Variants in E4F1 observed in about 807,000 individuals in gnomAD.
E4F1 encodes the protein transcription factor E4F1.
In E4F1, 30 loss-of-function variants were observed where a neutral mutation model predicts 72.9. That is an observed-to-expected ratio of 0.41 (90% confidence interval 0.31 to 0.56). The LOEUF (loss-of-function observed/expected upper bound fraction) is 0.56. Ranked by LOEUF, E4F1 falls within the 20% of genes least tolerant of loss-of-function variation. The probability of loss-of-function intolerance (pLI) is 0.25; values close to 1 mark genes in which losing one functional copy is unlikely to be tolerated. For synonymous variants in E4F1, 542 were observed against 478.2 expected (o/e 1.13, Z -1.74); for missense variants, 1,091 against 1,117.5 (o/e 0.98, Z 0.34).
At chr16:2,230,893 GGGGTCTCTGGGCT>G (rs1227269304) in intron 3 of E4F1, 1 of 152,288 alleles carries the variant, frequency 6.6e-6, no homozygotes, top group Non-Finnish European at 1.5e-5. Context: ...AGGTTCTGGC[GGGGTCTCTGGGCT>G]GGGTCTCTGG....
chr16:2,226,053 A>G (rs527240399), intron 1 of E4F1, among the ~76,000 whole-genome samples: 77 of 152,036 alleles, frequency 5.1e-4, no homozygotes, highest in African/African-American at 1.7e-3. Context: ...AGATCGCCCC[A>G]CTGCACTCCA....
At position 2,233,440 on chromosome 16, in the gene E4F1, C is replaced by T. The variant is rs1412319964; in HGVS notation, c.1059C>T (p.Pro353=). The T allele has an allele frequency of 1.3e-6, 2 of 1,509,402 alleles. No individual in the cohort carries two copies. The highest frequency in any genetic ancestry group is 1.8e-6 in the Non-Finnish European group (2 of 1,135,364). 93.5% of individuals were successfully genotyped at this position (1,509,402 alleles called of 1,614,324 possible). Reference sequence around the variant, plus strand: ...TCCTCTCTCTGCCTCCCCTGCAGCCCCCCGTCTCCCAGGAGCTCCCCTGCT... The same window carrying T: ...TCCTCTCTCTGCCTCCCCTGCAGCCTCCCGTCTCCCAGGAGCTCCCCTGCT... ...SLGMKALAPE[P]PVSQELPCSS... The change falls in exon 8 of 14, where the codon CCC becomes CCT. Residue 353 remains proline, a splice_region_variant and synonymous_variant. Coordinates refer to ENST00000301727, the MANE Select transcript of E4F1 (RefSeq NM_004424.5).
At chr16:2,225,810 AAAAG>A (rs1484021702) in intron 1 of E4F1, among the ~76,000 whole-genome samples, 1 of 149,630 alleles carries the variant, frequency 6.7e-6, no homozygotes, top group Non-Finnish European at 1.5e-5. Context: ...AAAAAAAAAA[AAAAG>A]GCTGGGCGCA....
rs200030854 is a variant in E4F1 at position 2,234,201 on chromosome 16, G to A, written c.1406G>A (p.Gly469Asp). The change falls in exon 10 of 14, where the codon GGC becomes GAC. Residue 469 changes from glycine (G) to aspartate (D), a missense_variant. This residue lies in a region of E4F1 where 622 missense variants were observed against 628.0 expected (regional missense o/e 0.99). Transcript: ENST00000301727. Reference protein sequence around the residue: ...GPRPFACAQCGKAFPKAYLLK... With the variant: ...GPRPFACAQCDKAFPKAYLLK... ...AGGCCGTTCGCCTGCGCGCAGTGTG[G>A]CAAGGCCTTCCCCAAGGCCTACCTG... The A allele has an allele frequency of 6.2e-6, 10 of 1,612,526 alleles. No individual in the cohort carries two copies. The highest frequency in any genetic ancestry group is 3.3e-4 in the Middle Eastern group (2 of 6,062).
intron 1 of E4F1, among the ~76,000 whole-genome samples, chr16:2,225,791 GAAAAAAAA>G (rs766755916): frequency 3.1e-5 from 2 of 64,960 alleles, no homozygotes; most frequent in Non-Finnish European, 3.1e-5. Flanking sequence ...CTCTGTTTAG[GAAAAAAAA>G]AAAAAAAAAA....
At chr16:2,225,371 T>C (rs1001492761) in intron 1 of E4F1, among the ~76,000 whole-genome samples, 2 of 150,780 alleles carry the variant, frequency 1.3e-5, no homozygotes, top group Non-Finnish European at 3.0e-5. Flanking sequence ...CTGTGGCTCA[T>C]ACCTGTAACC....
chr16:2,228,627 G>A lies in E4F1; in HGVS notation c.309+104G>A, dbSNP rs1022916446. 3.5e-6 allele frequency: 5 copies of A among 1,419,318 alleles called. No homozygotes were observed. In the African/African-American group the frequency reaches 5.7e-5, roughly 16 times the overall value. The allele number at this position is 1,419,318 out of a possible 1,614,324, so 87.9% of individuals were successfully genotyped here. ...CTGTGCAGCCGGTTCCGGGGGCCAC[G>A]TGGGCGGGCAGAGGGCAGGCACCTG... On this transcript the variant is annotated intron_variant, in intron 2 of 13. Transcript: ENST00000301727.
intron 1 of E4F1, among the ~76,000 whole-genome samples, chr16:2,225,067 G>C (rs1411312091): frequency 2.6e-5 from 4 of 151,910 alleles, no homozygotes; most frequent in African/African-American, 9.7e-5. Flanking sequence ...ACAAAAATTA[G>C]CTGGGCGTGG....
At position 2,234,722 on chromosome 16, in the gene E4F1, A is replaced by T; in HGVS notation, c.1733A>T (p.Tyr578Phe). ...HHTGEKPFKC[Y>F]KCGRGFAEHG... ...ACAGGCGAGAAGCCGTTCAAGTGCTACAAGTGCGGCCGTGGCTTCGCCGAG... is the reference window on the plus strand; with the variant it reads ...ACAGGCGAGAAGCCGTTCAAGTGCTTCAAGTGCGGCCGTGGCTTCGCCGAG... The change falls in exon 11 of 14, where the codon TAC becomes TTC. Residue 578 changes from tyrosine to phenylalanine, a missense_variant. Transcript: ENST00000301727. 1 of 1,562,640 alleles carries T rather than the reference A, an allele frequency of 6.4e-7. No homozygotes were observed. The highest frequency in any genetic ancestry group is 8.7e-7 in the Non-Finnish European group (1 of 1,153,676).
rs375407226 is a variant in E4F1 at position 2,228,365 on chromosome 16, G to C, written c.158-7G>C. ...CCCAGGCCCTGCTGACAGCAGGCTC[G>C]TTGCAGATGAGGACGATGTGCACAG... is the stretch of plus-strand genomic sequence containing the variant. On this transcript the variant is annotated splice_polypyrimidine_tract_variant and splice_region_variant and intron_variant, in intron 1 of 13. Coordinates refer to ENST00000301727, the MANE Select transcript of E4F1 (RefSeq NM_004424.5). The C allele has an allele frequency of 3.7e-5, 60 of 1,613,672 alleles. No individual in the cohort carries two copies. The highest frequency in any genetic ancestry group is 3.3e-4 in the Admixed American group (20 of 60,018).
intron 1 of E4F1, 97 bp downstream of exon 1, chr16:2,223,867 C>G (rs375530655): frequency 2.4e-5 from 37 of 1,531,740 alleles, no homozygotes; most frequent in Admixed American, 3.9e-5. Context: ...TCGACCGACC[C>G]TCCCAGACCC....
chr16:2,224,062 C>G, intron 1 of E4F1: 1 of 1,082,070 alleles, frequency 9.2e-7, no homozygotes, highest in South Asian at 1.7e-5. Flanking sequence ...GCCGGCGTCC[C>G]GGCCCTTCTC....
Position 2,235,083 on chromosome 16 carries a change from C to T in E4F1, c.1938C>T (p.Ala646=). 6.2e-7 allele frequency: 1 copy of T among 1,612,552 alleles called. No homozygotes were observed. The highest frequency in any genetic ancestry group is 8.5e-7 in the Non-Finnish European group (1 of 1,179,940). The change falls in exon 13 of 14, where the codon GCC becomes GCT. Residue 646 remains alanine (A), a splice_region_variant and synonymous_variant. Coordinates refer to ENST00000301727, the MANE Select transcript of E4F1 (RefSeq NM_004424.5). ...VADTQEYIIE[A]TADDAETSEA... Reference sequence around the variant, plus strand: ...TGTCCTTCTGCCCATCTGCCCAGGCCACTGCGGACGATGCGGAGACCAGTG... The same window carrying T: ...TGTCCTTCTGCCCATCTGCCCAGGCTACTGCGGACGATGCGGAGACCAGTG...
chr16:2,231,860 T>A, intron 3 of E4F1: 1 of 354,402 alleles, frequency 2.8e-6, no homozygotes, highest in Non-Finnish European at 5.2e-6. Flanking sequence ...TCACCAGGAT[T>A]CGCACGTCCT....
rs945863105 is a variant in E4F1, at chr16:2,232,354, C to T, written c.599C>T (p.Thr200Ile). Residue 200 changes from threonine (T) to isoleucine (I), a missense_variant, in exon 4 of 14, where the codon ACC becomes ATC. Transcript: ENST00000301727. ...TATGTGTGTGCGCTGTGCCACAAGA[C>T]CTTCAAGACGGTGAGCCGGCGTGCG... ...GRYVCALCHK[T>I]FKTGSILKAH... 1 of 1,601,380 alleles carries T rather than the reference C, an allele frequency of 6.2e-7. No homozygotes were observed. Among genetic ancestry groups the T allele is most frequent in the African/African-American group, 1.3e-5 (1 of 74,664 alleles).
intron 1 of E4F1, chr16:2,224,046 G>C: frequency 8.3e-7 from 1 of 1,207,770 alleles, no homozygotes; most frequent in Admixed American, 3.1e-5. Context: ...GTAGACATTC[G>C]CAGACGCCGG....
chr16:2,232,761 C>T lies in E4F1; in HGVS notation c.736C>T (p.Arg246Cys). ...IRHHRRHTDE[R>C]PYKCSKCGKS... is the part of the protein sequence containing the mutation. The stretch of plus-strand genomic sequence containing the variant: ...TGACTAGGTTCTCTCTGCAGATGAG[C>T]GCCCCTACAAGTGCTCCAAGTGTGG... Residue 246 changes from arginine to cysteine, a missense_variant, in exon 6 of 14, where the codon CGC (arginine) becomes TGC (cysteine). Arg to Cys is a radical substitution (Grantham distance 180, BLOSUM62 -3). This residue lies in a region of E4F1 where 362 missense variants were observed against 358.6 expected (regional missense o/e 1.01). Transcript: ENST00000301727. The T allele has an allele frequency of 1.9e-6, 3 of 1,613,164 alleles. No homozygotes were observed. The highest frequency in any genetic ancestry group is 2.5e-6 in the Non-Finnish European group (3 of 1,179,988).
intron 1 of E4F1, among the ~76,000 whole-genome samples, chr16:2,226,552 C>T (rs545228886): frequency 3.3e-5 from 5 of 152,352 alleles, no homozygotes; most frequent in African/African-American, 7.2e-5. Flanking sequence ...CCAGCTCCTT[C>T]GGGCATCAGG....
At chr16:2,230,241 A>T (rs2093459189) in intron 3 of E4F1, 2 of 155,052 alleles carry the variant, frequency 1.3e-5, no homozygotes, top group Non-Finnish European at 2.9e-5. Context: ...GGACTCTTTG[A>T]TGGCTACTTT....
Sources: allele counts gnomAD v4.1 joint callset (sites outside exome capture counted in the v4.1 genomes callset), GRCh38; gene constraint gnomAD v4.1.1; regional missense constraint gnomAD v4.1.1; transcripts MANE v1.5; gene names NCBI Gene and HGNC (gene_info 2026-07-23, HGNC 2026-07-21).